Variants in MYOF observed in about 807,000 individuals in gnomAD.
MYOF encodes the protein myoferlin, also known as fer-1-like 3, myoferlin.
In MYOF, 244 loss-of-function variants were observed where a neutral mutation model predicts 284.2. The observed-to-expected ratio is 0.86, with a 90% CI of 0.77 to 0.95. The LOEUF is 0.95. Ranked by LOEUF, MYOF falls within the 40% of genes least tolerant of loss-of-function variation. The pLI is 0.00. For missense variants in MYOF, 2,496 were observed against 2,560.6 expected (o/e 0.97, Z 0.54); for synonymous variants, 904 against 919.7 (o/e 0.98, Z 0.31).
chr10:93,384,293 C>T (rs1291177986), intron 19 of MYOF, among the ~76,000 whole-genome samples: 1 of 152,180 alleles, frequency 6.6e-6, no homozygotes, highest in Non-Finnish European at 1.5e-5. Context: ...AAACACCATT[C>T]AGAGAAGTAC....
intron 3 of MYOF, among the ~76,000 whole-genome samples, chr10:93,451,048 T>C (rs1295716983): frequency 6.6e-6 from 1 of 152,078 alleles, no homozygotes; most frequent in Non-Finnish European, 1.5e-5. Context: ...TGGTTTTAAG[T>C]ATTAGTATCA....
At chr10:93,367,490 C>T (rs1273270145) in intron 25 of MYOF, among the ~76,000 whole-genome samples, 1 of 152,228 alleles carries the variant, frequency 6.6e-6, no homozygotes, top group Admixed American at 6.5e-5. Context: ...CAGATACTGG[C>T]TGTCAGCCTG....
At chr10:93,444,336 C>A (rs2056366619) in intron 3 of MYOF, among the ~76,000 whole-genome samples, 1 of 152,206 alleles carries the variant, frequency 6.6e-6, no homozygotes, top group Non-Finnish European at 1.5e-5. Flanking sequence ...ACAAGAGTGA[C>A]ATGGAGTTTA....
At chr10:93,349,262 C>T (rs1236670412) in intron 36 of MYOF, among the ~76,000 whole-genome samples, 1 of 152,214 alleles carries the variant, frequency 6.6e-6, no homozygotes, top group African/African-American at 2.4e-5. Context: ...TGAACTGGAT[C>T]TGATGCTCTC....
chr10:93,477,338 C>T (rs1056631034), intron 1 of MYOF, among the ~76,000 whole-genome samples: 1 of 148,936 alleles, frequency 6.7e-6, no homozygotes, highest in Non-Finnish European at 1.5e-5. Flanking sequence ...CTAAAAAACA[C>T]AAAATTAGCC....
chr10:93,380,261 T>C (rs750445478), intron 20 of MYOF, among the ~76,000 whole-genome samples: 5 of 152,202 alleles, frequency 3.3e-5, no homozygotes, highest in Non-Finnish European at 5.9e-5. Context: ...CATCTGAACA[T>C]CAAAGATGGT....
intron 5 of MYOF, among the ~76,000 whole-genome samples, chr10:93,422,912 T>G (rs553471568): frequency 2.0e-5 from 3 of 151,210 alleles, no homozygotes; most frequent in African/African-American, 7.3e-5. Flanking sequence ...ACCACAGTAT[T>G]TTTTTTTTCC....
Position 93,402,258 on chromosome 10 carries a change from C to T in MYOF, c.964G>A (p.Val322Ile). The T allele has an allele frequency of 6.2e-7, 1 of 1,614,086 alleles. No homozygotes were observed. Among genetic ancestry groups the T allele is most frequent in the East Asian group, 2.2e-5 (1 of 44,880 alleles). ...GGAGGCTCATCTCCGGTTCCCAGGA[C>T]AAACATGCTGACTTTCATATAACCT... ...SKGYMKVSMF[V>I]LGTGDEPPPE... Residue 322 changes from valine to isoleucine, a missense_variant, in exon 11 of 54, where the codon GTC (valine) becomes ATC (isoleucine). Physicochemically the swap from Val to Ile is conservative, Grantham distance 29. Transcript: ENST00000359263.
At chr10:93,365,161 A>G (rs1845271300) in intron 26 of MYOF, among the ~76,000 whole-genome samples, 1 of 152,238 alleles carries the variant, frequency 6.6e-6, no homozygotes, top group African/African-American at 2.4e-5. Context: ...TTAAGAGAGC[A>G]GTATTTTCTC....
chr10:93,425,071 T>C (rs1236837884), intron 5 of MYOF, among the ~76,000 whole-genome samples: 1 of 151,086 alleles, frequency 6.6e-6, no homozygotes, highest in East Asian at 2.0e-4. Context: ...CCCGAGTAGC[T>C]GGGATTACAG....
In MYOF at chr10:93,356,860, G is replaced by T; in HGVS notation, c.3121-12C>A. The T allele has an allele frequency of 6.2e-7, 1 of 1,603,258 alleles. No homozygotes were observed. The highest frequency in any genetic ancestry group is 8.5e-7 in the Non-Finnish European group (1 of 1,176,988). ...AATTCCTCCATGGCCTAAAACAGAAGTAAACATGTTAATGATGACGATGAT... is the reference window on the plus strand; with the variant it reads ...AATTCCTCCATGGCCTAAAACAGAATTAAACATGTTAATGATGACGATGAT... On this transcript the variant is annotated splice_polypyrimidine_tract_variant and intron_variant, in intron 29 of 53. Transcript: ENST00000359263.
rs199976582 is a variant in MYOF at position 93,347,687 on chromosome 10, G to A, written c.4179C>T (p.Thr1393=). 6.2e-7 allele frequency: 1 copy of A among 1,614,166 alleles called. No homozygotes were observed. Among genetic ancestry groups the A allele is most frequent in the Non-Finnish European group, 8.5e-7 (1 of 1,180,046 alleles). The part of the protein sequence containing the change: ...FGRKPVVGQC[T]IERLDRFRCD... ...AGCGAAAGCGGTCCAGGCGCTCGAT[G>A]GTGCACTGGCCGACGACAGGCTTCC... is the stretch of plus-strand genomic sequence containing the variant. Residue 1393 remains threonine (T), a synonymous_variant, in exon 37 of 54, where the codon ACC becomes ACT. Coordinates refer to ENST00000359263, the MANE Select transcript of MYOF (RefSeq NM_013451.4).
chr10:93,355,141 T>C (rs1844736863), intron 31 of MYOF, among the ~76,000 whole-genome samples: 1 of 152,238 alleles, frequency 6.6e-6, no homozygotes, highest in African/African-American at 2.4e-5. Context: ...TCACCTTATA[T>C]GTGATATGGT....
chr10:93,440,583 T>C lies in MYOF; in HGVS notation c.237-9067A>G, dbSNP rs190809468. Among the ~76,000 whole-genome samples, 116 of 152,324 alleles carry C rather than the reference T, an allele frequency of 7.6e-4. 2 individuals carry two copies. In the East Asian group the frequency reaches 0.013, roughly 18 times the overall value. ...TTATCTGTTCCCTCTACTCAGATGTTAGCTCCATAAAAGGTATGGAGTACC... is the reference window on the plus strand; with the variant it reads ...TTATCTGTTCCCTCTACTCAGATGTCAGCTCCATAAAAGGTATGGAGTACC... On this transcript the variant is annotated intron_variant, in intron 3 of 53. Coordinates refer to ENST00000359263, the MANE Select transcript of MYOF (RefSeq NM_013451.4).
At chr10:93,356,622 CAT>C (rs1383620570) in intron 30 of MYOF, 51 bp downstream of exon 30, 2 of 1,558,554 alleles carry the variant, frequency 1.3e-6, no homozygotes, top group African/African-American at 1.4e-5. Flanking sequence ...ATCCAACACT[CAT>C]ATATTTTCTC....
chr10:93,440,156 G>A (rs897006171), intron 3 of MYOF, among the ~76,000 whole-genome samples: 5 of 152,134 alleles, frequency 3.3e-5, no homozygotes, highest in Non-Finnish European at 5.9e-5. Context: ...GCTCATGCCT[G>A]TAATCCCAGC....
chr10:93,311,136 T>C (rs1373186337), intron 51 of MYOF, among the ~76,000 whole-genome samples: 1 of 152,142 alleles, frequency 6.6e-6, no homozygotes, highest in East Asian at 1.9e-4. Flanking sequence ...AATGAATGAA[T>C]GAGTGAGTGA....
intron 3 of MYOF, among the ~76,000 whole-genome samples, chr10:93,451,656 A>G (rs1443561523): frequency 4.0e-5 from 6 of 149,368 alleles, no homozygotes; most frequent in African/African-American, 1.2e-4. Context: ...TAAAACTTGA[A>G]TGAGACATGT....
Position 93,353,819 on chromosome 10 carries a change from C to A in MYOF, c.3473G>T (p.Ser1158Ile). The stretch of plus-strand genomic sequence containing the variant: ...GATTTTTTTTCCTTTACCTGAAAAG[C>A]TATCCTTATCTAAAGCCAAGAGGTT... ...ARNLLALDKDSFSDPYAHICF... is the reference protein window; with the variant it reads ...ARNLLALDKDIFSDPYAHICF... The change falls in exon 32 of 54, where the codon AGC (serine) becomes ATC (isoleucine). Residue 1158 changes from serine (S) to isoleucine (I), a missense_variant. Ser to Ile is a moderately radical substitution (Grantham distance 142). Coordinates refer to ENST00000359263, the MANE Select transcript of MYOF (RefSeq NM_013451.4). The A allele has an allele frequency of 6.2e-7, 1 of 1,607,872 alleles. No homozygotes were observed. Among genetic ancestry groups the A allele is most frequent in the South Asian group, 1.1e-5 (1 of 90,108 alleles).
Sources: gnomAD v4.1 joint callset for allele counts (sites outside exome capture counted in the v4.1 genomes callset) on GRCh38, gnomAD v4.1.1 for gene constraint, MANE v1.5 for transcripts, NCBI Gene and HGNC (gene_info 2026-07-23, HGNC 2026-07-21) for gene names.